The following MACROD2 variants were observed in gnomAD, a reference collection of about 807,000 sequenced individuals.
The protein encoded by MACROD2 is ADP-ribose glycohydrolase MACROD2.
MACROD2 carries 36 observed loss-of-function variants against 70.4 expected under a neutral mutation model. That is an observed-to-expected ratio of 0.51 (90% CI 0.39 to 0.68). The LOEUF (loss-of-function observed/expected upper bound fraction) is 0.68, where lower values mean the gene tolerates loss of function less well. Ranked by LOEUF, MACROD2 falls within the 30% of genes least tolerant of loss-of-function variation. The pLI, the probability that MACROD2 is intolerant of heterozygous loss-of-function variation, is 0.00. For missense variants in MACROD2, 496 were observed against 538.4 expected (o/e 0.92, Z 0.78); for synonymous variants, 172 against 178.8 (o/e 0.96, Z 0.30).
At chr20:14,193,340 T>G (rs1325601964) in intron 3 of MACROD2, among the ~76,000 whole-genome samples, 1 of 152,228 alleles carries the variant, frequency 6.6e-6, no homozygotes, top group African/African-American at 2.4e-5. Flanking sequence ...TTAGCTGCTT[T>G]TATTAAGCAC....
At chr20:15,769,103 G>A (rs1178149339) in intron 8 of MACROD2, among the ~76,000 whole-genome samples, 1 of 152,158 alleles carries the variant, frequency 6.6e-6, no homozygotes, top group Non-Finnish European at 1.5e-5. Context: ...GTTTAATATA[G>A]TAAATGCATA....
chr20:14,555,587 G>A (rs1978972648), intron 4 of MACROD2, among the ~76,000 whole-genome samples: 1 of 152,082 alleles, frequency 6.6e-6, no homozygotes, highest in African/African-American at 2.4e-5. Context: ...GCTTACTCAA[G>A]GTTGACCTGA....
rs565003572 is a variant in MACROD2, at chr20:14,809,652, AT to A, written c.418+124700del. Among the ~76,000 whole-genome samples the A allele has an allele frequency of 3.8e-3, 584 of 152,016 alleles. 5 individuals carry two copies. Among genetic ancestry groups the A allele is most frequent in the African/African-American group, 0.013 (531 of 41,500 alleles). On this transcript the variant is annotated intron_variant, in intron 5 of 17. Transcript: ENST00000684519. ...AAAAAATCAATGAATCCAGGAGCTC[AT>A]TTTTTTGAAAAGATTAACAAAATAG...
At chr20:14,108,822 A>C (rs1219699390) in intron 3 of MACROD2, among the ~76,000 whole-genome samples, 1 of 152,050 alleles carries the variant, frequency 6.6e-6, no homozygotes, top group Non-Finnish European at 1.5e-5. Context: ...ATAACTGGAG[A>C]CTTCAACACC....
chr20:15,117,657 T>A (rs2076000907), intron 5 of MACROD2, among the ~76,000 whole-genome samples: 1 of 152,300 alleles, frequency 6.6e-6, no homozygotes, highest in Admixed American at 6.5e-5. Flanking sequence ...GTATTATGAC[T>A]GAAGTATTAA....
At chr20:14,880,554 C>T (rs112122217) in intron 5 of MACROD2, among the ~76,000 whole-genome samples, 1,823 of 152,240 alleles carry the variant, frequency 0.012, 32 homozygotes, top group East Asian at 0.056. Flanking sequence ...AACACAGGGA[C>T]CTCTCTAAAG....
intron 8 of MACROD2, among the ~76,000 whole-genome samples, chr20:15,854,047 G>A (rs766617381): frequency 6.6e-5 from 10 of 152,094 alleles, no homozygotes; most frequent in Non-Finnish European, 1.2e-4. Flanking sequence ...CAATATGATC[G>A]CCCCTAGGTG....
intron 5 of MACROD2, among the ~76,000 whole-genome samples, chr20:14,793,733 G>A (rs1027282227): frequency 6.6e-6 from 1 of 151,944 alleles, no homozygotes; most frequent in Non-Finnish European, 1.5e-5. Flanking sequence ...ACCCAGCTGG[G>A]GCTGATAACT....
chr20:15,085,875 C>A (rs1355492206), intron 5 of MACROD2, among the ~76,000 whole-genome samples: 5 of 49,660 alleles, frequency 1.0e-4, no homozygotes, highest in Non-Finnish European at 1.9e-4. Context: ...ACACACACAA[C>A]ACACACACAC....
At chr20:15,591,625 C>T (rs1003847360) in intron 8 of MACROD2, among the ~76,000 whole-genome samples, 1 of 138,064 alleles carries the variant, frequency 7.2e-6, no homozygotes, top group African/African-American at 2.8e-5. Flanking sequence ...AAGACAATTA[C>T]AGTTCACCTG....
intron 3 of MACROD2, among the ~76,000 whole-genome samples, chr20:14,122,232 G>A (rs1051843507): frequency 7.9e-5 from 12 of 152,092 alleles, no homozygotes; most frequent in African/African-American, 2.9e-4. Context: ...CTCTCTTTTA[G>A]TTATTATCTG....
At chr20:15,974,665 T>C (rs1231196683) in intron 13 of MACROD2, among the ~76,000 whole-genome samples, 1 of 152,164 alleles carries the variant, frequency 6.6e-6, no homozygotes, top group Non-Finnish European at 1.5e-5. Flanking sequence ...ATGGAAGTTA[T>C]AGACTTCAGT....
chr20:14,471,752 T>TA (rs1187727750), intron 3 of MACROD2, among the ~76,000 whole-genome samples: 3 of 152,164 alleles, frequency 2.0e-5, no homozygotes, highest in African/African-American at 7.2e-5. Flanking sequence ...AACGTGTAGT[T>TA]ATCTGACATA....
intron 7 of MACROD2, among the ~76,000 whole-genome samples, chr20:15,488,826 G>A (rs2047193060): frequency 6.6e-6 from 1 of 152,154 alleles, no homozygotes; most frequent in East Asian, 1.9e-4. Flanking sequence ...CCTATTCCAG[G>A]TGATTCTATG....
At position 14,493,518 on chromosome 20, in the gene MACROD2, G is replaced by A. The variant is rs927488273; in HGVS notation, c.301+10G>A. The A allele has an allele frequency of 8.7e-6, 14 of 1,604,434 alleles. No individual in the cohort carries two copies. The highest frequency in any genetic ancestry group is 1.2e-5 in the Non-Finnish European group (14 of 1,173,058). On this transcript the variant is annotated intron_variant, in intron 4 of 17. Transcript: ENST00000684519. ...CTTGGAGGAGGAGGTGGTAAGTCCT[G>A]AACATCACTTAACTTAAAATACATT...
At chr20:15,431,037 A>G (rs1242787872) in intron 6 of MACROD2, among the ~76,000 whole-genome samples, 1 of 152,174 alleles carries the variant, frequency 6.6e-6, no homozygotes, top group South Asian at 2.1e-4. Flanking sequence ...TCAAGAGCAT[A>G]GGTAATAGTC....
intron 8 of MACROD2, among the ~76,000 whole-genome samples, chr20:15,501,030 C>A (rs1017166598): frequency 6.6e-6 from 1 of 152,166 alleles, no homozygotes; most frequent in Non-Finnish European, 1.5e-5. Flanking sequence ...ATGTTATCTT[C>A]ATCTGCATTT....
At chr20:14,066,790 G>C (rs1451630592) in intron 2 of MACROD2, among the ~76,000 whole-genome samples, 1 of 149,026 alleles carries the variant, frequency 6.7e-6, no homozygotes, top group East Asian at 1.9e-4. Flanking sequence ...AATTATGAAT[G>C]CTGTTGTTTT....
chr20:14,862,947 TG>T (rs1239234041), intron 5 of MACROD2, among the ~76,000 whole-genome samples: 2 of 151,400 alleles, frequency 1.3e-5, no homozygotes, highest in African/African-American at 4.9e-5. Flanking sequence ...AATGCTGATG[TG>T]GATGCCACGG....
Sources: gnomAD v4.1 joint callset for allele counts (sites outside exome capture counted in the v4.1 genomes callset) on GRCh38, gnomAD v4.1.1 for gene constraint, MANE v1.5 for transcripts, NCBI Gene and HGNC (gene_info 2026-07-23, HGNC 2026-07-21) for gene names.